SPATA24: variants seen among roughly 807,000 people sequenced by gnomAD.
The protein encoded by SPATA24 is spermatogenesis-associated protein 24.
In SPATA24, 21 loss-of-function variants were observed where a neutral mutation model predicts 28.9. The ratio of observed to expected loss-of-function variants is 0.73; its 90% confidence interval spans 0.52 to 1.05. SPATA24 has a LOEUF of 1.05. Ranked by LOEUF, SPATA24 falls within the 50% of genes least tolerant of loss-of-function variation. SPATA24 has a pLI of 0.00. For missense variants in SPATA24, 215 were observed against 242.9 expected, an observed-to-expected ratio of 0.88 and a Z score of 0.76; for synonymous variants, 76 against 89.9, an observed-to-expected ratio of 0.85 and a Z score of 0.88.
At chr5:139,403,494 T>C (rs1251886738) in intron 1 of SPATA24, among the ~76,000 whole-genome samples, 5 of 152,220 alleles carry the variant, frequency 3.3e-5, no homozygotes, top group African/African-American at 9.6e-5. Flanking sequence ...AGCTAAGGCA[T>C]GTAAAGTTCT....
In SPATA24 at chr5:139,397,081, C is replaced by CT; in HGVS notation, c.447dup (p.Glu150ArgfsTer19). 1 of 1,551,922 alleles carries CT rather than the reference C, an allele frequency of 6.4e-7. No homozygotes were observed. Among genetic ancestry groups the CT allele is most frequent in the Non-Finnish European group, 8.7e-7 (1 of 1,147,050 alleles). On this transcript the variant is annotated frameshift_variant, in exon 5 of 6. Coordinates refer to ENST00000450845, the MANE Select transcript of SPATA24 (RefSeq NM_194296.2). LOFTEE classifies it high-confidence loss of function. ...TGCTGGCTGATAACTTGCTGCAACT[C>CT]TTTAATCTCATTCTCTTTGCCATTA...
intron 4 of SPATA24, 98 bp downstream of exon 4, chr5:139,401,657 G>T: frequency 7.7e-7 from 1 of 1,306,096 alleles, no homozygotes; most frequent in Non-Finnish European, 1.1e-6. Flanking sequence ...GCTGGGGACA[G>T]GTGTTAGAGT....
chr5:139,392,864 C>T, downstream of SPATA24: 1 of 1,543,828 alleles, frequency 6.5e-7, no homozygotes, highest in Non-Finnish European at 8.7e-7. The surrounding 1 kb of genome is among the most constrained non-coding windows in gnomAD (Gnocchi z 5.8). Context: ...CGACCCAAGG[C>T]CAGGGCCCCA....
At chr5:139,393,702 C>T (rs770979612), downstream of SPATA24, 5 of 1,551,126 alleles carry the variant, frequency 3.2e-6, no homozygotes, top group Non-Finnish European at 4.4e-6. Flanking sequence ...ACTGATTCCA[C>T]TGGGAAAGGA....
chr5:139,393,479 G>A (rs553155136), downstream of SPATA24: 2 of 1,551,668 alleles, frequency 1.3e-6, no homozygotes, highest in Admixed American at 2.0e-5. Flanking sequence ...TGAGCTTCCT[G>A]AGTAAATGCT....
At chr5:139,403,807 C>T in intron 1 of SPATA24, 137 bp downstream of exon 1, 1 of 717,708 alleles carries the variant, frequency 1.4e-6, no homozygotes. Context: ...CCCCTACCGA[C>T]TGAGCCCGGC....
intron 4 of SPATA24, among the ~76,000 whole-genome samples, chr5:139,398,404 T>TAAA (rs11434297): frequency 9.1e-5 from 13 of 142,880 alleles, no homozygotes; most frequent in East Asian, 4.1e-4. Context: ...TCTACAAAAC[T>TAAA]AAAAAAAAAA....
chr5:139,396,552 T>G, downstream of SPATA24: 1 of 1,307,070 alleles, frequency 7.7e-7, no homozygotes, highest in Non-Finnish European at 9.8e-7. Context: ...ACACTGGGAG[T>G]GGGGTGGAAT....
chr5:139,401,762 C>T lies in SPATA24; in HGVS notation c.378G>A (p.Lys126=). The T allele has an allele frequency of 1.3e-6, 2 of 1,551,640 alleles. No homozygotes were observed. Among genetic ancestry groups the T allele is most frequent in the Non-Finnish European group, 1.7e-6 (2 of 1,147,006 alleles). The change falls in exon 4 of 6, where the codon AAG becomes AAA. Residue 126 remains lysine (K), a synonymous_variant. Coordinates refer to ENST00000450845, the MANE Select transcript of SPATA24 (RefSeq NM_194296.2). The part of the protein sequence containing the change: ...ESSKKDQLIT[K]CNEIESHIIK... ...CACGGGCCTCCCGCCTACCATTGCA[C>T]TTGGTGATGAGCTGGTCCTTCTTGC...
chr5:139,393,526 TG>T, downstream of SPATA24: 1 of 1,551,362 alleles, frequency 6.4e-7, no homozygotes, highest in East Asian at 2.4e-5. Context: ...CCATGTCTCT[TG>T]GGGAGATGGG....
intron 4 of SPATA24, among the ~76,000 whole-genome samples, chr5:139,397,747 G>C (rs1316976430): frequency 1.3e-5 from 2 of 151,994 alleles, no homozygotes; most frequent in Non-Finnish European, 2.9e-5. Flanking sequence ...TAGAGATGGG[G>C]TTTCACCATG....
rs942556179 is a variant in SPATA24 at position 139,402,177 on chromosome 5, G to C, written c.184-132C>G. 3 of 1,150,864 alleles carry C rather than the reference G, an allele frequency of 2.6e-6. No individual in the cohort carries two copies. The African/African-American group carries it at 4.7e-5, about 18-fold the overall frequency. The allele number at this position is 1,150,864 out of a possible 1,614,324, so 71.3% of individuals were successfully genotyped here. A position where few individuals can be genotyped will look rare whatever the true frequency, so the allele number is the denominator to read the frequency against. On this transcript the variant is annotated intron_variant, in intron 2 of 5. Coordinates refer to ENST00000450845, the MANE Select transcript of SPATA24 (RefSeq NM_194296.2). ...GGGAGATTCTGGCCACCTTGCTACA[G>C]GGGCTGGAGGTTCTCAGAGGCCGAC...
At chr5:139,394,110 C>T, downstream of SPATA24, 1 of 1,548,374 alleles carries the variant, frequency 6.5e-7, no homozygotes, top group Non-Finnish European at 8.7e-7. Context: ...GCTTGTCGCG[C>T]CGAATCGCGC....
downstream of SPATA24, chr5:139,395,146 C>A: frequency 7.4e-7 from 1 of 1,349,800 alleles, no homozygotes; most frequent in Non-Finnish European, 9.5e-7. Flanking sequence ...CCGGCACTGT[C>A]CCCGCCCCGC....
At chr5:139,400,440 G>A (rs563272312) in intron 4 of SPATA24, among the ~76,000 whole-genome samples, 31 of 151,402 alleles carry the variant, frequency 2.0e-4, no homozygotes, top group African/African-American at 5.6e-4. Flanking sequence ...CTGAGTAGCT[G>A]GTATTACAGG....
downstream of SPATA24, chr5:139,392,929 C>T (rs1001568333): frequency 8.5e-6 from 13 of 1,525,202 alleles, no homozygotes; most frequent in Non-Finnish European, 1.1e-5. This position sits in a 1 kb window ranked among gnomAD's most constrained non-coding sequence, Gnocchi z 5.8. Context: ...CTCTGCCCTC[C>T]GCCGCAGGAC....
downstream of SPATA24, chr5:139,393,259 C>T: frequency 6.5e-7 from 1 of 1,549,566 alleles, no homozygotes; most frequent in Non-Finnish European, 8.7e-7. Context: ...CTCTCCAGGA[C>T]CCAAGACTTC....
chr5:139,404,038 GA>G lies in SPATA24; in HGVS notation c.22del (p.Ser8ArgfsTer12). 1 of 1,551,720 alleles carries G rather than the reference GA, an allele frequency of 6.4e-7. No individual in the cohort carries two copies. The highest frequency in any genetic ancestry group is 1.2e-5 in the South Asian group (1 of 84,052). On this transcript the variant is annotated frameshift_variant, in exon 1 of 6. Coordinates refer to ENST00000450845, the MANE Select transcript of SPATA24 (RefSeq NM_194296.2). LOFTEE classifies it high-confidence loss of function. MATPLGW[S>X]KAGSGSVCLA... ...ACACACAGATCCTGACCCCGCCTTCGACCACCCGAGGGGCGTCGCCATCTTC... is the reference window on the plus strand; with the variant it reads ...ACACACAGATCCTGACCCCGCCTTCGCCACCCGAGGGGCGTCGCCATCTTC...
chr5:139,395,083 G>T, downstream of SPATA24: 1 of 1,399,870 alleles, frequency 7.1e-7, no homozygotes, highest in Non-Finnish European at 9.3e-7. Flanking sequence ...GGTCAGCATG[G>T]TGGGGCCGGA....
Sources: gnomAD v4.1 joint callset for allele counts (sites outside exome capture counted in the v4.1 genomes callset) on GRCh38, gnomAD v4.1.1 for gene constraint, Gnocchi (gnomAD v3.1) non-coding constraint, MANE v1.5 for transcripts, NCBI Gene and HGNC (gene_info 2026-07-23, HGNC 2026-07-21) for gene names.